MARCHF11: variants seen among roughly 807,000 people sequenced by gnomAD.
MARCHF11 encodes membrane associated ring-CH-type finger 11.
MARCHF11 carries 29 observed loss-of-function variants against 37.3 expected under a neutral mutation model. The observed-to-expected ratio is 0.78, with a 90% CI of 0.58 to 1.06. The LOEUF is 1.06. Ranked by LOEUF, MARCHF11 falls within the 50% of genes least tolerant of loss-of-function variation. The pLI is 0.00. For missense variants in MARCHF11, 482 were observed against 533.4 expected (o/e 0.90, Z 0.95); for synonymous variants, 233 against 228.0 (o/e 1.02, Z -0.20).
chr5:16,072,118 T>C (rs1037198791), intron 3 of MARCHF11, among the ~76,000 whole-genome samples: 3 of 152,132 alleles, frequency 2.0e-5, no homozygotes, highest in Non-Finnish European at 1.5e-5. Context: ...AAACAGGTAC[T>C]AGTTTTAAAC....
intron 2 of MARCHF11, among the ~76,000 whole-genome samples, chr5:16,160,545 TATG>T (rs1453379656): frequency 6.6e-6 from 1 of 151,202 alleles, no homozygotes; most frequent in African/African-American, 2.4e-5. Context: ...TTGAATGTAC[TATG>T]ATAACTTTAA....
chr5:16,141,104 G>T (rs1287924113), intron 2 of MARCHF11: 2 of 152,442 alleles, frequency 1.3e-5, no homozygotes, highest in Non-Finnish European at 2.9e-5. Context: ...GTGAGTTGGA[G>T]AATTGTCTAG....
chr5:16,164,478 G>A (rs951768256), intron 2 of MARCHF11, among the ~76,000 whole-genome samples: 5 of 152,084 alleles, frequency 3.3e-5, no homozygotes, highest in African/African-American at 9.6e-5. Flanking sequence ...TTAGGCCAAA[G>A]TCTCTTACCC....
At chr5:16,089,022 A>C (rs547849558) in intron 3 of MARCHF11, among the ~76,000 whole-genome samples, 1 of 152,264 alleles carries the variant, frequency 6.6e-6, no homozygotes, top group Admixed American at 6.5e-5. Context: ...GAACTGTAAT[A>C]ATCTTGATCA....
intron 2 of MARCHF11, among the ~76,000 whole-genome samples, chr5:16,137,922 T>C (rs1737634087): frequency 6.6e-6 from 1 of 152,232 alleles, no homozygotes; most frequent in African/African-American, 2.4e-5. Flanking sequence ...TGGGTGCTCT[T>C]GAAAGCATTC....
At chr5:16,167,246 C>T (rs1302513397) in intron 2 of MARCHF11, among the ~76,000 whole-genome samples, 2 of 151,968 alleles carry the variant, frequency 1.3e-5, no homozygotes, top group Non-Finnish European at 2.9e-5. Flanking sequence ...CCAAGATCTG[C>T]AATCAGCAAG....
chr5:16,149,057 T>C (rs866974850), intron 2 of MARCHF11, among the ~76,000 whole-genome samples: 13 of 152,136 alleles, frequency 8.5e-5, no homozygotes, highest in Middle Eastern at 3.2e-3. Context: ...CAAGAACACC[T>C]TGACAGTCAG....
intron 2 of MARCHF11, among the ~76,000 whole-genome samples, chr5:16,119,621 T>A (rs1737280249): frequency 6.6e-6 from 1 of 151,810 alleles, no homozygotes. Flanking sequence ...TCCAGAGCCA[T>A]GATAATTGGA....
At chr5:16,118,281 G>A (rs955346610) in intron 2 of MARCHF11, among the ~76,000 whole-genome samples, 2 of 152,218 alleles carry the variant, frequency 1.3e-5, no homozygotes, top group Non-Finnish European at 2.9e-5. Context: ...GCTAATCGGG[G>A]AACCAATCAC....
intron 2 of MARCHF11, among the ~76,000 whole-genome samples, chr5:16,147,223 C>A (rs1249055944): frequency 6.6e-6 from 1 of 152,128 alleles, no homozygotes; most frequent in Non-Finnish European, 1.5e-5. Context: ...AGTCTCTATG[C>A]TCAAACTATA....
chr5:16,070,911 T>A (rs1294206153), intron 3 of MARCHF11, among the ~76,000 whole-genome samples: 3 of 152,170 alleles, frequency 2.0e-5, no homozygotes, highest in Non-Finnish European at 4.4e-5. Context: ...ATGAATTCCA[T>A]TCCCATTCCC....
intron 2 of MARCHF11, among the ~76,000 whole-genome samples, chr5:16,149,982 A>G (rs1737865825): frequency 7.3e-6 from 1 of 137,406 alleles, no homozygotes; most frequent in Admixed American, 6.9e-5. Context: ...CCATAAACAG[A>G]TAAAACGAAT....
chr5:16,072,174 C>A (rs1258923995), intron 3 of MARCHF11, among the ~76,000 whole-genome samples: 1 of 152,156 alleles, frequency 6.6e-6, no homozygotes, highest in Non-Finnish European at 1.5e-5. Flanking sequence ...TGTCCAACAT[C>A]ATGAAGACAG....
chr5:16,163,753 G>A, intron 2 of MARCHF11, among the ~76,000 whole-genome samples: 1 of 151,972 alleles, frequency 6.6e-6, no homozygotes. Context: ...AAAATTTATA[G>A]GTTAAAACTT....
At chr5:16,152,547 G>A (rs1027255692) in intron 2 of MARCHF11, among the ~76,000 whole-genome samples, 1 of 151,876 alleles carries the variant, frequency 6.6e-6, no homozygotes, top group Non-Finnish European at 1.5e-5. Flanking sequence ...ATCTACAAAC[G>A]GTTTTCACAG....
At chr5:16,086,559 G>T (rs1285393592) in intron 3 of MARCHF11, among the ~76,000 whole-genome samples, 1 of 152,134 alleles carries the variant, frequency 6.6e-6, no homozygotes, top group African/African-American at 2.4e-5. Flanking sequence ...CCATTAACTT[G>T]CGGTGTTGAT....
chr5:16,077,366 A>C (rs1011779056), intron 3 of MARCHF11, among the ~76,000 whole-genome samples: 1 of 152,172 alleles, frequency 6.6e-6, no homozygotes, highest in South Asian at 2.1e-4. Context: ...ACAAAAAAAA[A>C]CGATTTTAAT....
At chr5:16,075,589 G>A (rs1363033226) in intron 3 of MARCHF11, among the ~76,000 whole-genome samples, 1 of 149,580 alleles carries the variant, frequency 6.7e-6, no homozygotes, top group Non-Finnish European at 1.5e-5. Flanking sequence ...AAGAGAGGGA[G>A]AGAGAGAGAG....
At chr5:16,138,791 A>G (rs1410947621) in intron 2 of MARCHF11, among the ~76,000 whole-genome samples, 1 of 152,186 alleles carries the variant, frequency 6.6e-6, no homozygotes, top group East Asian at 1.9e-4. Context: ...AAATGAGATC[A>G]TTTTGGAGTT....
Sources: gnomAD v4.1 joint callset for allele counts (sites outside exome capture counted in the v4.1 genomes callset) on GRCh38, gnomAD v4.1.1 for gene constraint, MANE v1.5 for transcripts, NCBI Gene and HGNC (gene_info 2026-07-23, HGNC 2026-07-21) for gene names.